The following CELSR1 variants were observed in gnomAD, a reference collection of about 807,000 sequenced individuals.
CELSR1 encodes adhesion G protein-coupled receptor C1.
Under a neutral mutation model 249.1 loss-of-function variants are expected in CELSR1, and 110 were observed. That is an observed-to-expected ratio of 0.44 (90% confidence interval 0.38 to 0.52). The LOEUF (loss-of-function observed/expected upper bound fraction) is 0.52, where lower values mean the gene tolerates loss of function less well. Ranked by LOEUF, CELSR1 falls within the 20% of genes least tolerant of loss-of-function variation. The pLI is 0.00. For missense variants in CELSR1, 4,109 were observed against 4,296.4 expected (o/e 0.96, Z 1.22); for synonymous variants, 2,113 against 1,900.0 (o/e 1.11, Z -2.92).
At chr22:46,432,289 G>A (rs941537992) in intron 5 of CELSR1, among the ~76,000 whole-genome samples, 11 of 152,228 alleles carry the variant, frequency 7.2e-5, no homozygotes, top group African/African-American at 2.4e-4. Context: ...AGGCCCAGTG[G>A]CTGGACCCCA....
At chr22:46,455,252 CAG>C (rs1434957748) in intron 2 of CELSR1, among the ~76,000 whole-genome samples, 3 of 152,150 alleles carry the variant, frequency 2.0e-5, no homozygotes, top group African/African-American at 7.2e-5. Flanking sequence ...CTTTTTTAGA[CAG>C]AGTCTCGCTC....
chr22:46,528,427 T>C (rs2080759635), intron 1 of CELSR1, among the ~76,000 whole-genome samples: 1 of 152,124 alleles, frequency 6.6e-6, no homozygotes, highest in Non-Finnish European at 1.5e-5. Flanking sequence ...CAAACGCCAC[T>C]TTCCTACATC....
Position 46,378,689 on chromosome 22 carries a change from G to C in CELSR1, c.7285C>G (p.Arg2429Gly). 2 of 1,612,436 alleles carry C rather than the reference G, an allele frequency of 1.2e-6. No individual in the cohort carries two copies. Among genetic ancestry groups the C allele is most frequent in the Non-Finnish European group, 8.5e-7 (1 of 1,179,782 alleles). The part of the protein sequence containing the change: ...AVGGTGGWSA[R>G]GCELLSRNRT... ...TTCCTGGACAGGAGCTCGCAGCCCC[G>C]GGCAGACCACCCTCCCGTCCCACCA... is the stretch of plus-strand genomic sequence containing the variant. Residue 2429 changes from arginine (R) to glycine (G), a missense_variant, in exon 23 of 35, where the codon CGG becomes GGG. Physicochemically the swap from Arg to Gly is moderately radical, Grantham distance 125. Transcript: ENST00000674500.
rs149062226 is a variant in CELSR1, at chr22:46,436,178, A to G, written c.4518T>C (p.Ser1506=). 109 of 1,612,320 alleles carry G rather than the reference A, an allele frequency of 6.8e-5. No individual in the cohort carries two copies. The highest frequency in any genetic ancestry group is 8.6e-5 in the Non-Finnish European group (101 of 1,178,510). ...TTCCTGGGGAGAAGGCCCCACCTGC[A>G]GAGAAGGTGAGCTGCACCTGCTCGT... ...IVDEQVQLTF[S]AGETTTTVAP... Residue 1506 remains serine, a synonymous_variant, in exon 4 of 35, where the codon TCT becomes TCC. Coordinates refer to ENST00000674500, the MANE Select transcript of CELSR1 (RefSeq NM_001378328.1). This position sits in a 1 kb window ranked among gnomAD's most constrained non-coding sequence, Gnocchi z 5.9.
Position 46,367,820 on chromosome 22 carries a change from A to G in CELSR1, c.7988T>C (p.Leu2663Pro). The change falls in exon 28 of 35, where the codon CTC becomes CCC. Residue 2663 changes from leucine (L) to proline (P), a missense_variant. Coordinates refer to ENST00000674500, the MANE Select transcript of CELSR1 (RefSeq NM_001378328.1). ...CCCCAGCAGCCAGGTGGCGCTGATG[A>G]GCAGCAGCAGGAGGAATGCGGTCCT... ...LLRTAFLLLL[L>P]ISATWLLGLL... 1 of 1,611,726 alleles carries G rather than the reference A, an allele frequency of 6.2e-7. No individual in the cohort carries two copies. Among genetic ancestry groups the G allele is most frequent in the African/African-American group, 1.3e-5 (1 of 75,028 alleles).
intron 2 of CELSR1, among the ~76,000 whole-genome samples, chr22:46,451,524 G>A (rs575375865): frequency 5.9e-5 from 9 of 152,340 alleles, no homozygotes; most frequent in African/African-American, 1.9e-4. Context: ...CCTGAAGGAT[G>A]GGTGCATGTT....
At position 46,473,752 on chromosome 22, in the gene CELSR1, TGGTGGCTCCC is replaced by T. The variant is rs370282218; in HGVS notation, c.3545-9417_3545-9408del. ...AGGGAGGGCCCTGCTTGGTGGCTCC[TGGTGGCTCCC>T]ATTCAAAGCCAGGGAACTTTGAAGT... is the stretch of plus-strand genomic sequence containing the variant. On this transcript the variant is annotated intron_variant, in intron 1 of 34. Transcript: ENST00000674500. This position sits in a 1 kb window ranked among gnomAD's most constrained non-coding sequence, Gnocchi z 6.6. Among the ~76,000 whole-genome samples the T allele has an allele frequency of 2.6e-3, 400 of 152,304 alleles. 3 individuals carry two copies. The highest frequency in any genetic ancestry group is 9.1e-3 in the African/African-American group (380 of 41,582).
chr22:46,529,540 C>T (rs372726731), intron 1 of CELSR1, among the ~76,000 whole-genome samples: 1 of 151,906 alleles, frequency 6.6e-6, no homozygotes. Context: ...CAGTGGCTCA[C>T]GCCTGTAATC....
At chr22:46,379,897 C>T (rs1233263477) in intron 22 of CELSR1, among the ~76,000 whole-genome samples, 1 of 152,214 alleles carries the variant, frequency 6.6e-6, no homozygotes, top group Non-Finnish European at 1.5e-5. Flanking sequence ...GACTGTGCTC[C>T]CATCCCGGCA....
chr22:46,453,590 G>C (rs576134539), intron 2 of CELSR1, among the ~76,000 whole-genome samples: 2 of 152,324 alleles, frequency 1.3e-5, no homozygotes, highest in Non-Finnish European at 2.9e-5. Context: ...TGGCCCCCAG[G>C]AGCAGGACAG....
At chr22:46,515,382 C>G (rs369828753) in intron 1 of CELSR1, among the ~76,000 whole-genome samples, 1 of 152,220 alleles carries the variant, frequency 6.6e-6, no homozygotes, top group South Asian at 2.1e-4. Context: ...AGTCACATGA[C>G]CCCCAGGTAG....
chr22:46,403,666 G>A (rs2079232045), intron 9 of CELSR1, among the ~76,000 whole-genome samples: 2 of 151,990 alleles, frequency 1.3e-5, no homozygotes, highest in African/African-American at 2.4e-5. Context: ...GAGCACACAG[G>A]GGCATGTGTA....
chr22:46,493,164 C>T (rs2080383465), intron 1 of CELSR1, among the ~76,000 whole-genome samples: 2 of 152,054 alleles, frequency 1.3e-5, no homozygotes, highest in Admixed American at 6.6e-5. Context: ...GCAGGAAGAT[C>T]AGTTGAGCCC....
chr22:46,443,376 C>T (rs2147488777), intron 2 of CELSR1, among the ~76,000 whole-genome samples: 1 of 152,290 alleles, frequency 6.6e-6, no homozygotes, highest in East Asian at 1.9e-4. Flanking sequence ...GGGGCTGCCC[C>T]CAGGGAAATG....
chr22:46,466,889 C>T (rs981333235), intron 1 of CELSR1, among the ~76,000 whole-genome samples: 1 of 152,130 alleles, frequency 6.6e-6, no homozygotes, highest in Non-Finnish European at 1.5e-5. Context: ...GGATTTGCAT[C>T]CTCACAGGAA....
In CELSR1 at chr22:46,369,221, G is replaced by A; in HGVS notation, c.7910C>T (p.Ser2637Phe). The A allele has an allele frequency of 6.2e-7, 1 of 1,614,092 alleles. No homozygotes were observed. The highest frequency in any genetic ancestry group is 8.5e-7 in the Non-Finnish European group (1 of 1,179,996). ...ATAATAATGGTGCTTTCTTTGGCAG[G>A]AAACCTTTGCAGATAGGACAGAAGT... ...TVTSVLSAKV[S>F]CQRKHHYYGK... Residue 2637 changes from serine (S) to phenylalanine (F), a missense_variant, in exon 27 of 35, where the codon TCC (serine) becomes TTC (phenylalanine). Coordinates refer to ENST00000674500, the MANE Select transcript of CELSR1 (RefSeq NM_001378328.1).
chr22:46,535,070 C>G lies in CELSR1; in HGVS notation c.2101G>C (p.Ala701Pro). ...TYELRLNEDAAVGSSVLTLQA... is the reference protein window; with the variant it reads ...TYELRLNEDAPVGSSVLTLQA... Reference sequence around the variant, plus strand: ...AGGGTCAGCACGCTGCTCCCCACGGCCGCATCCTCATTCAGACGAAGCTCG... The same window carrying G: ...AGGGTCAGCACGCTGCTCCCCACGGGCGCATCCTCATTCAGACGAAGCTCG... The change falls in exon 1 of 35, where the codon GCC (alanine) becomes CCC (proline). Residue 701 changes from alanine to proline, a missense_variant. Transcript: ENST00000674500. 6.2e-7 allele frequency: 1 copy of G among 1,612,490 alleles called. No individual in the cohort carries two copies. Among genetic ancestry groups the G allele is most frequent in the Non-Finnish European group, 8.5e-7 (1 of 1,180,000 alleles).
At chr22:46,438,747 C>T (rs921971544) in intron 3 of CELSR1, among the ~76,000 whole-genome samples, 5 of 152,050 alleles carry the variant, frequency 3.3e-5, no homozygotes, top group Admixed American at 1.3e-4. Context: ...AACAAAGACA[C>T]AGAAGGAATA....
At chr22:46,385,595 A>T (rs2079023286) in intron 19 of CELSR1, among the ~76,000 whole-genome samples, 1 of 151,878 alleles carries the variant, frequency 6.6e-6, no homozygotes, top group Non-Finnish European at 1.5e-5. Flanking sequence ...GTCCCCTGGG[A>T]GCCACGGGTA....
Sources: gnomAD v4.1 joint callset for allele counts (sites outside exome capture counted in the v4.1 genomes callset) on GRCh38, gnomAD v4.1.1 for gene constraint, Gnocchi (gnomAD v3.1) non-coding constraint, MANE v1.5 for transcripts, NCBI Gene and HGNC (gene_info 2026-07-23, HGNC 2026-07-21) for gene names.